ARFGAP3: variants seen among roughly 807,000 people sequenced by gnomAD.
The protein encoded by ARFGAP3 is ARF GTPase activating protein 3.
A neutral mutation model predicts 75.0 loss-of-function variants in ARFGAP3; 72 were observed. That is an observed-to-expected ratio of 0.96 (90% CI 0.79 to 1.17). The LOEUF is 1.17. ARFGAP3 is among the 50% of genes most tolerant of loss of function. The probability of loss-of-function intolerance (pLI) is 0.00; values close to 1 mark genes in which losing one functional copy is unlikely to be tolerated. For missense variants in ARFGAP3, 620 were observed against 626.6 expected, an observed-to-expected ratio of 0.99 and a Z score of 0.11; for synonymous variants, 221 against 217.9, an observed-to-expected ratio of 1.01 and a Z score of -0.13.
chr22:42,856,024 GGGTGA>G (rs1480147650), intron 1 of ARFGAP3, among the ~76,000 whole-genome samples: 1 of 152,086 alleles, frequency 6.6e-6, no homozygotes, highest in African/African-American at 2.4e-5. Context: ...CTGGGTGACG[GGGTGA>G]GACCCTGTCT....
chr22:42,842,924 T>C (rs1926848447), intron 2 of ARFGAP3, among the ~76,000 whole-genome samples: 2 of 152,146 alleles, frequency 1.3e-5, no homozygotes, highest in South Asian at 4.1e-4. Context: ...GGGCTCACTA[T>C]GTGCCAGGCT....
Position 42,835,438 on chromosome 22 carries a change from T to C in ARFGAP3, c.317A>G (p.Asn106Ser). The C allele has an allele frequency of 1.2e-6, 2 of 1,614,120 alleles. No individual in the cohort carries two copies. Among genetic ancestry groups the C allele is most frequent in the Non-Finnish European group, 1.7e-6 (2 of 1,179,998 alleles). The change falls in exon 4 of 16, where the codon AAC (asparagine) becomes AGC (serine). Residue 106 changes from asparagine to serine, a missense_variant. Physicochemically the swap from Asn to Ser is conservative, Grantham distance 46 (BLOSUM62 1). Coordinates refer to ENST00000263245, the MANE Select transcript of ARFGAP3 (RefSeq NM_014570.5). ...CSTNDTNAKY[N>S]SRAAQLYREK... The stretch of plus-strand genomic sequence containing the variant: ...CCTATAGAGCTGAGCAGCACGACTG[T>C]TGTACTTGGCATTGGTGTCATTGGT...
In ARFGAP3 at chr22:42,822,270, A is replaced by G. The variant is rs200650865; in HGVS notation, c.812T>C (p.Ile271Thr). ...ATTAATATAATGAAATTAAACTTAC[A>G]TTGATTCTTCTTTAGATACCACCTT... is the stretch of plus-strand genomic sequence containing the variant. ...LAKVVSKEES[I>T]VSSLRLAYKD... Residue 271 changes from isoleucine (I) to threonine (T), a missense_variant and splice_region_variant, in exon 9 of 16, where the codon ATT becomes ACT. Transcript: ENST00000263245. 2.7e-4 allele frequency: 431 copies of G among 1,609,430 alleles called. 1 individual carries two copies. Among genetic ancestry groups the G allele is most frequent in the Middle Eastern group, 1.5e-3 (9 of 6,064 alleles).
chr22:42,799,496 G>T (rs2146520735), intron 14 of ARFGAP3, among the ~76,000 whole-genome samples: 1 of 152,292 alleles, frequency 6.6e-6, no homozygotes, highest in African/African-American at 2.4e-5. Flanking sequence ...GCCCTGGCAG[G>T]TAAGTACCCA....
intron 3 of ARFGAP3, among the ~76,000 whole-genome samples, chr22:42,839,596 T>TC (rs1926689969): frequency 1.5e-5 from 1 of 67,178 alleles, no homozygotes; most frequent in Admixed American, 1.7e-4. Flanking sequence ...AAACTCTGTC[T>TC]CAAAAAAAAA....
chr22:42,803,897 CCT>C (rs1347312850), intron 14 of ARFGAP3, among the ~76,000 whole-genome samples: 108 of 145,588 alleles, frequency 7.4e-4, no homozygotes, highest in African/African-American at 2.7e-3. Flanking sequence ...CTCCCTCCTT[CCT>C]CTTTTTTTTT....
At position 42,815,641 on chromosome 22, in the gene ARFGAP3, C is replaced by T. The variant is rs571569449; in HGVS notation, c.1064+1501G>A. On this transcript the variant is annotated intron_variant, in intron 11 of 15. Coordinates refer to ENST00000263245, the MANE Select transcript of ARFGAP3 (RefSeq NM_014570.5). Reference sequence around the variant, plus strand: ...CACACACACATATATATCTTTTATACATATGAAAACGCTTCAAACCTATAA... The same window carrying T: ...CACACACACATATATATCTTTTATATATATGAAAACGCTTCAAACCTATAA... 2.0e-5 allele frequency among the ~76,000 whole-genome samples: 3 copies of T among 152,162 alleles called. No homozygotes were observed. In the East Asian group the frequency reaches 5.8e-4, roughly 29 times the overall value.
At chr22:42,799,313 G>GCC in intron 14 of ARFGAP3, 153 bp from the exon 15 acceptor site, 1 of 917,484 alleles carries the variant, frequency 1.1e-6, no homozygotes, top group Non-Finnish European at 1.3e-6. Flanking sequence ...GACTCGGGCT[G>GCC]AAGTGGCAGC....
intron 12 of ARFGAP3, among the ~76,000 whole-genome samples, chr22:42,810,045 A>G (rs555897326): frequency 6.6e-6 from 1 of 151,318 alleles, no homozygotes; most frequent in African/African-American, 2.4e-5. Context: ...AAAAAGGTGA[A>G]ACCTTCCTGA....
intron 6 of ARFGAP3, among the ~76,000 whole-genome samples, chr22:42,830,286 G>A (rs1315183434): frequency 1.3e-5 from 2 of 151,844 alleles, no homozygotes; most frequent in Non-Finnish European, 2.9e-5. Flanking sequence ...CTGGCTATGC[G>A]ACTCCTTTTC....
chr22:42,842,803 A>G (rs1174631113), intron 2 of ARFGAP3, among the ~76,000 whole-genome samples: 1 of 152,096 alleles, frequency 6.6e-6, no homozygotes, highest in African/African-American at 2.4e-5. Context: ...GATTACCTCT[A>G]TAAGGTCATA....
At chr22:42,856,362 C>A (rs1927498099) in intron 1 of ARFGAP3, among the ~76,000 whole-genome samples, 1 of 152,216 alleles carries the variant, frequency 6.6e-6, no homozygotes, top group South Asian at 2.1e-4. Flanking sequence ...GGAGAGCCCA[C>A]GCTGACGCGA....
rs1555899059 is a variant in ARFGAP3, at chr22:42,838,290, A to ATAT, written c.261+2653_261+2654insATA. On this transcript the variant is annotated intron_variant, in intron 3 of 15. Transcript: ENST00000263245. ...TACACACACACATATATATATATAT[A>ATAT]TTTTTTTTTTCTTTTTTTTTTTTCT... is the stretch of plus-strand genomic sequence containing the variant. 4.4e-3 allele frequency among the ~76,000 whole-genome samples: 597 copies of ATAT among 137,184 alleles called. 2 individuals carry two copies. The highest frequency in any genetic ancestry group is 0.014 in the African/African-American group (513 of 36,690). 90.0% of individuals were successfully genotyped at this position (137,184 alleles called of 152,430 possible).
intron 9 of ARFGAP3, among the ~76,000 whole-genome samples, chr22:42,819,716 T>C (rs1290272244): frequency 2.0e-5 from 3 of 152,192 alleles, no homozygotes; most frequent in South Asian, 2.1e-4. Context: ...TTTCACACTC[T>C]GACAGTACAA....
At chr22:42,843,384 C>T (rs1926871318) in intron 2 of ARFGAP3, among the ~76,000 whole-genome samples, 1 of 152,172 alleles carries the variant, frequency 6.6e-6, no homozygotes, top group Non-Finnish European at 1.5e-5. Context: ...TCAATTTTCC[C>T]TCCCTTGTCT....
intron 14 of ARFGAP3, among the ~76,000 whole-genome samples, chr22:42,805,609 A>G (rs2146528524): frequency 6.6e-6 from 1 of 152,294 alleles, no homozygotes; most frequent in Non-Finnish European, 1.5e-5. Flanking sequence ...ACCTGCCCCC[A>G]CCAAGACTCA....
intron 2 of ARFGAP3, among the ~76,000 whole-genome samples, chr22:42,846,151 CATAAT>C (rs948610036): frequency 5.9e-5 from 9 of 151,736 alleles, no homozygotes; most frequent in African/African-American, 2.2e-4. Flanking sequence ...TTCCTTAAGT[CATAAT>C]ATAAGATTGC....
intron 3 of ARFGAP3, among the ~76,000 whole-genome samples, chr22:42,838,311 T>G (rs2146570480): frequency 6.7e-6 from 1 of 149,906 alleles, no homozygotes; most frequent in East Asian, 1.9e-4. Context: ...CTTTTTTTTT[T>G]TTCTGAGACA....
intron 3 of ARFGAP3, among the ~76,000 whole-genome samples, chr22:42,837,632 A>C (rs1010726367): frequency 7.4e-5 from 11 of 149,446 alleles, no homozygotes; most frequent in African/African-American, 2.5e-4. Flanking sequence ...AAAAAAAAAA[A>C]AAAAAAACCA....
Sources: gnomAD v4.1 joint callset for allele counts (sites outside exome capture counted in the v4.1 genomes callset) on GRCh38, gnomAD v4.1.1 for gene constraint, MANE v1.5 for transcripts, NCBI Gene and HGNC (gene_info 2026-07-23, HGNC 2026-07-21) for gene names.